Variants in ALOX5 observed in about 807,000 individuals in gnomAD.
The protein encoded by ALOX5 is polyunsaturated fatty acid 5-lipoxygenase.
Under a neutral mutation model 87.9 loss-of-function variants are expected in ALOX5, and 64 were observed. The observed-to-expected ratio is 0.73, with a 90% confidence interval of 0.60 to 0.90. The LOEUF (loss-of-function observed/expected upper bound fraction) is 0.90. Among genes scored for constraint, ALOX5 ranks in the 40% least tolerant of loss-of-function variants. The pLI, the probability that ALOX5 is intolerant of heterozygous loss-of-function variation, is 0.00. For synonymous variants in ALOX5, 388 were observed against 355.1 expected, an observed-to-expected ratio of 1.09 and a Z score of -1.04; for missense variants, 822 against 907.5, an observed-to-expected ratio of 0.91 and a Z score of 1.21.
At chr10:45,402,954 A>G (rs149691688) in intron 3 of ALOX5, among the ~76,000 whole-genome samples, 101 of 152,326 alleles carry the variant, frequency 6.6e-4, no homozygotes, top group African/African-American at 2.2e-3. Context: ...ACTACCACAC[A>G]TATGCCCCCA....
chr10:45,419,927 G>T (rs575930618), intron 4 of ALOX5, among the ~76,000 whole-genome samples: 6 of 152,300 alleles, frequency 3.9e-5, no homozygotes, highest in African/African-American at 1.4e-4. Flanking sequence ...GATGGCGGAG[G>T]AAAGAGAGGC....
intron 4 of ALOX5, 61 bp downstream of exon 4, chr10:45,412,374 G>A (rs2132761880): frequency 6.3e-7 from 1 of 1,599,462 alleles, no homozygotes; most frequent in South Asian, 1.1e-5. Flanking sequence ...GCTGGGGGTG[G>A]AACCCTCACT....
Position 45,424,270 on chromosome 10 carries a change from A to G in ALOX5, c.661+123A>G, listed in dbSNP as rs1841615400. ...GCTGCAGCATGGGGGCCTCGCTGCC[A>G]CCATGCCACCCTGGACAGCACCCCC... On this transcript the variant is annotated intron_variant, in intron 5 of 13. Coordinates refer to ENST00000374391, the MANE Select transcript of ALOX5 (RefSeq NM_000698.5). 8.8e-6 allele frequency: 7 copies of G among 793,518 alleles called. No individual in the cohort carries two copies. In the Admixed American group the frequency reaches 1.3e-4, roughly 15 times the overall value. 49.2% of individuals were successfully genotyped at this position (793,518 alleles called of 1,614,324 possible). A position where few individuals can be genotyped will look rare whatever the true frequency, so the allele number is the denominator to read the frequency against.
At chr10:45,443,613 G>C (rs1252556551) in intron 11 of ALOX5, 76 bp downstream of exon 11, 1 of 1,597,628 alleles carries the variant, frequency 6.3e-7, no homozygotes, top group Non-Finnish European at 8.5e-7. Context: ...CCCCTCCGGG[G>C]TGTCCTGCCC....
intron 1 of ALOX5, among the ~76,000 whole-genome samples, chr10:45,381,454 C>T (rs1006910265): frequency 6.6e-6 from 1 of 152,254 alleles, no homozygotes; most frequent in Admixed American, 6.5e-5. Context: ...GACTCCAGCT[C>T]TGCTGGCAAG....
chr10:45,375,155 G>A (rs1839553563), intron 1 of ALOX5, among the ~76,000 whole-genome samples: 2 of 152,170 alleles, frequency 1.3e-5, no homozygotes, highest in Admixed American at 6.5e-5. Context: ...CCCAGGCCAG[G>A]AGAGGCTTTT....
At chr10:45,396,085 C>G (rs1840492512) in intron 3 of ALOX5, 149 bp downstream of exon 3, 1 of 698,128 alleles carries the variant, frequency 1.4e-6, no homozygotes, top group Non-Finnish European at 2.4e-6. Context: ...GTGCACAATC[C>G]CCAAACTTCA....
At position 45,417,679 on chromosome 10, in the gene ALOX5, C is replaced by T. The variant is rs988475340; in HGVS notation, c.554+5366C>T. 1.6e-4 allele frequency among the ~76,000 whole-genome samples: 24 copies of T among 152,308 alleles called. 1 individual carries two copies. The highest frequency in any genetic ancestry group is 1.3e-3 in the Admixed American group (20 of 15,310). On this transcript the variant is annotated intron_variant, in intron 4 of 13. Coordinates refer to ENST00000374391, the MANE Select transcript of ALOX5 (RefSeq NM_000698.5). The stretch of plus-strand genomic sequence containing the variant: ...TGGTTGGCTCAATTGCAGGTGAGAG[C>T]CCAGATGTCTCTGCCCAGAAATGGA...
chr10:45,409,432 C>T (rs138924683), intron 3 of ALOX5, among the ~76,000 whole-genome samples: 22 of 152,290 alleles, frequency 1.4e-4, no homozygotes, highest in African/African-American at 4.6e-4. Context: ...ATTCAGAAAT[C>T]ATGTTTGTGG....
intron 2 of ALOX5, among the ~76,000 whole-genome samples, chr10:45,392,822 C>CTA (rs1840339658): frequency 6.6e-6 from 1 of 151,932 alleles, no homozygotes; most frequent in African/African-American, 2.4e-5. Context: ...ATACTATAAA[C>CTA]AACTCTAAGC....
chr10:45,443,034 C>G lies in ALOX5; in HGVS notation c.1273-4C>G. ...CGCTCAGGGCACTCTACCTCCCACT[C>G]CAGGCCAACGCCACAGGGGGCGGTG... On this transcript the variant is annotated splice_polypyrimidine_tract_variant and splice_region_variant and intron_variant, in intron 9 of 13. Coordinates refer to ENST00000374391, the MANE Select transcript of ALOX5 (RefSeq NM_000698.5). The G allele has an allele frequency of 6.2e-7, 1 of 1,610,490 alleles. No homozygotes were observed. Among genetic ancestry groups the G allele is most frequent in the Non-Finnish European group, 8.5e-7 (1 of 1,178,256 alleles).
In ALOX5 at chr10:45,440,543, C is replaced by T. The variant is rs1346370378; in HGVS notation, c.1095C>T (p.Thr365=). 18 of 1,614,198 alleles carry T rather than the reference C, an allele frequency of 1.1e-5. No homozygotes were observed. The highest frequency in any genetic ancestry group is 1.4e-5 in the Non-Finnish European group (17 of 1,180,036). Residue 365 remains threonine, a synonymous_variant, in exon 8 of 14, where the codon ACC becomes ACT. Coordinates refer to ENST00000374391, the MANE Select transcript of ALOX5 (RefSeq NM_000698.5). ...VRSSDFHVHQ[T]ITHLLRTHLV... The stretch of plus-strand genomic sequence containing the variant: ...CCAGTGACTTCCACGTCCACCAGAC[C>T]ATCACCCACCTTCTGCGAACACATC...
intron 7 of ALOX5, among the ~76,000 whole-genome samples, chr10:45,436,051 T>G (rs896154758): frequency 2.0e-5 from 3 of 152,272 alleles, no homozygotes; most frequent in Non-Finnish European, 4.4e-5. Context: ...ATATGTTTGT[T>G]GGCCACTTGT....
chr10:45,390,982 CCCTCTCCCCTCTCCCCTCTCCCCTCTCT>C, intron 2 of ALOX5, among the ~76,000 whole-genome samples: 3 of 43,458 alleles, frequency 6.9e-5, no homozygotes, highest in African/African-American at 4.3e-4. Context: ...AATCAGCTCT[CCCTCTCCCCTCTCCCCTCTCCCCTCTCT>C]CCTCTCCCAT....
chr10:45,436,360 C>T (rs1166522058), intron 7 of ALOX5, among the ~76,000 whole-genome samples: 2 of 152,104 alleles, frequency 1.3e-5, no homozygotes, highest in African/African-American at 4.8e-5. Flanking sequence ...CCTAGGTTTT[C>T]TTCTAGAATG....
chr10:45,418,919 C>G (rs1841397876), intron 4 of ALOX5, among the ~76,000 whole-genome samples: 1 of 152,146 alleles, frequency 6.6e-6, no homozygotes, highest in African/African-American at 2.4e-5. Flanking sequence ...CGGGACAGTG[C>G]AGAAATGCGG....
intron 3 of ALOX5, among the ~76,000 whole-genome samples, chr10:45,406,137 C>T (rs1840875991): frequency 6.6e-6 from 1 of 152,128 alleles, no homozygotes; most frequent in African/African-American, 2.4e-5. Flanking sequence ...TCTGTCTGTG[C>T]CTCACTTCCC....
At chr10:45,435,468 C>T (rs563556856) in intron 7 of ALOX5, among the ~76,000 whole-genome samples, 20 of 152,160 alleles carry the variant, frequency 1.3e-4, no homozygotes, top group Non-Finnish European at 2.5e-4. Flanking sequence ...CACTTTTATG[C>T]CCATGTGTAC....
chr10:45,415,006 C>T (rs1488575379), intron 4 of ALOX5, among the ~76,000 whole-genome samples: 4 of 152,188 alleles, frequency 2.6e-5, no homozygotes, highest in African/African-American at 9.7e-5. Flanking sequence ...ACTAGTTCAA[C>T]CATTGTGGAA....
Sources: gnomAD v4.1 joint callset for allele counts (sites outside exome capture counted in the v4.1 genomes callset) on GRCh38, gnomAD v4.1.1 for gene constraint, MANE v1.5 for transcripts, NCBI Gene and HGNC (gene_info 2026-07-23, HGNC 2026-07-21) for gene names.